MGP: variants seen among roughly 807,000 people sequenced by gnomAD.
MGP encodes cell growth-inhibiting gene 36 protein.
Under a neutral mutation model 14.5 loss-of-function variants are expected in MGP, and 13 were observed. That is an observed-to-expected ratio of 0.89 (90% confidence interval 0.58 to 1.42). MGP has a LOEUF of 1.42. MGP is among the 40% of genes most tolerant of loss of function. The pLI is 0.00. For synonymous variants in MGP, 44 were observed against 46.3 expected, an observed-to-expected ratio of 0.95 and a Z score of 0.20; for missense variants, 128 against 133.7, an observed-to-expected ratio of 0.96 and a Z score of 0.21.
At chr12:14,884,853 A>G (rs1445071001) in intron 1 of MGP, 4 of 1,535,204 alleles carry the variant, frequency 2.6e-6, no homozygotes, top group South Asian at 2.4e-5. Flanking sequence ...CTGAAACGAT[A>G]TCAAAGCCGA....
In MGP at chr12:14,882,222, T is replaced by A. The variant is rs748072167; in HGVS notation, c.229A>T (p.Arg77Ter). Residue 77 changes from arginine to a stop codon, truncating the protein, a stop_gained, in exon 4 of 4, where the codon AGA (arginine) becomes TGA (stop). Coordinates refer to ENST00000539261, the MANE Select transcript of MGP (RefSeq NM_000900.5). LOFTEE classifies it high-confidence loss of function. Reference sequence around the variant, plus strand: ...ACCATGGCGTAGCGTTCGCAAAGTCTGTAGTCATCACAGGCTTCCCTATTG... The same window carrying A: ...ACCATGGCGTAGCGTTCGCAAAGTCAGTAGTCATCACAGGCTTCCCTATTG... ...ELNREACDDY[R>*]LCERYAMVYG... 3.7e-6 allele frequency: 6 copies of A among 1,614,110 alleles called. No individual in the cohort carries two copies. The East Asian group carries it at 1.1e-4, about 30-fold the overall frequency.
At chr12:14,884,374 TGAA>T (rs1191313384) in intron 1 of MGP, 129 bp from the exon 2 acceptor site, 7 of 657,554 alleles carry the variant, frequency 1.1e-5, no homozygotes, top group Non-Finnish European at 1.5e-5. Flanking sequence ...TCTAAAAACA[TGAA>T]GAATATATTT....
intron 1 of MGP, chr12:14,884,903 A>G (rs1305804746): frequency 6.5e-7 from 1 of 1,529,084 alleles, no homozygotes; most frequent in South Asian, 1.2e-5. Flanking sequence ...CACAGCAGAT[A>G]AATTTTGGAA....
At chr12:14,884,698 G>T in intron 1 of MGP, 1 of 763,318 alleles carries the variant, frequency 1.3e-6, no homozygotes, top group Non-Finnish European at 2.0e-6. Flanking sequence ...GAACTACAGG[G>T]CAGTTGCTCT....
At chr12:14,883,170 A>T in intron 2 of MGP, 123 bp from the exon 3 acceptor site, 1 of 752,830 alleles carries the variant, frequency 1.3e-6, no homozygotes, top group Non-Finnish European at 2.3e-6. Context: ...ATAAACGGAG[A>T]TTGGCAAAAA....
intron 3 of MGP, 56 bp downstream of exon 3, chr12:14,882,916 G>T (rs1164823350): frequency 1.8e-6 from 2 of 1,139,836 alleles, no homozygotes; most frequent in Non-Finnish European, 2.6e-6. Context: ...CTCCAATTCA[G>T]ATCTGTGATC....
At chr12:14,884,973 G>T in intron 1 of MGP, 1 of 1,223,218 alleles carries the variant, frequency 8.2e-7, no homozygotes, top group South Asian at 1.4e-5. Flanking sequence ...TAAAAAGGAG[G>T]TGAAGAAATC....
chr12:14,885,095 A>G (rs1014065402), intron 1 of MGP, among the ~76,000 whole-genome samples: 1 of 152,240 alleles, frequency 6.6e-6, no homozygotes, highest in Non-Finnish European at 1.5e-5. Flanking sequence ...AATTGAAACA[A>G]AAGACTGAAA....
Position 14,881,262 on chromosome 12 carries a change from A to G in MGP, c.*877T>C, listed in dbSNP as rs1425228736. ...CAGGCTGGAGTGCATTGGTATGGTC[A>G]TGGCTACTGAGATTACAGGTGTGGC... On this transcript the variant is annotated 3_prime_UTR_variant, in exon 4 of 4. Coordinates refer to ENST00000539261, the MANE Select transcript of MGP (RefSeq NM_000900.5). The G allele has an allele frequency of 2.0e-5, 3 of 152,174 alleles. No homozygotes were observed. Among genetic ancestry groups the G allele is most frequent in the East Asian group, 3.8e-4 (2 of 5,198 alleles). The allele number at this position is 152,174 out of a possible 1,614,324, so 9.4% of individuals were successfully genotyped here. A position where few individuals can be genotyped will look rare whatever the true frequency, so the allele number is the denominator to read the frequency against.
At chr12:14,884,179 G>A (rs1280112519) in intron 2 of MGP, 34 bp downstream of exon 2, 2 of 1,425,506 alleles carry the variant, frequency 1.4e-6, no homozygotes, top group Non-Finnish European at 1.9e-6. Context: ...TTTAATGCAA[G>A]GGATTTGAAT....
In MGP at chr12:14,881,147, G is replaced by A. The variant is rs1412324546; in HGVS notation, c.*992C>T. The stretch of plus-strand genomic sequence containing the variant: ...GATGGAAAGAAGAATGAAGAAAACA[G>A]GAAATGAAAATTACATGGGTAAATA... On this transcript the variant is annotated 3_prime_UTR_variant, in exon 4 of 4. Coordinates refer to ENST00000539261, the MANE Select transcript of MGP (RefSeq NM_000900.5). The A allele has an allele frequency of 6.6e-6, 1 of 152,034 alleles. No individual in the cohort carries two copies. Among genetic ancestry groups the A allele is most frequent in the Non-Finnish European group, 1.5e-5 (1 of 68,014 alleles). 9.4% of individuals were successfully genotyped at this position (152,034 alleles called of 1,614,324 possible).
chr12:14,882,870 T>G, intron 3 of MGP, 102 bp downstream of exon 3: 2 of 780,836 alleles, frequency 2.6e-6, no homozygotes, highest in Non-Finnish European at 4.6e-6. Context: ...AAGATACAAT[T>G]AGAAATAATG....
In MGP at chr12:14,884,240, G is replaced by T. The variant is rs550400563; in HGVS notation, c.67C>A (p.His23Asn). The T allele has an allele frequency of 1.4e-6, 2 of 1,422,614 alleles. No homozygotes were observed. The highest frequency in any genetic ancestry group is 2.3e-5 in the East Asian group (1 of 42,636). 88.1% of individuals were successfully genotyped at this position (1,422,614 alleles called of 1,614,324 possible). ...AGTTCATAAGATTCCATGCTTTCAT[G>T]TGATTCTGAAATTAAAAAAAAAAGA... Reference protein sequence around the residue: ...LAVVTLCYESHESMESYELNP... With the variant: ...LAVVTLCYESNESMESYELNP... Residue 23 changes from histidine to asparagine, a missense_variant, in exon 2 of 4, where the codon CAT (histidine) becomes AAT (asparagine). His to Asn is a moderately conservative substitution (Grantham distance 68). Coordinates refer to ENST00000539261, the MANE Select transcript of MGP (RefSeq NM_000900.5).
At position 14,882,996 on chromosome 12, in the gene MGP, C is replaced by G; in HGVS notation, c.146G>C (p.Arg49Thr). ...CCTCTCTTGGACTTTAGCTCTCCATCTCTGCTGAGGGGATATGAAGGTATT... is the reference window on the plus strand; with the variant it reads ...CCTCTCTTGGACTTTAGCTCTCCATGTCTGCTGAGGGGATATGAAGGTATT... ...NANTFISPQQRWRAKVQERIR... is the reference protein window; with the variant it reads ...NANTFISPQQTWRAKVQERIR... The change falls in exon 3 of 4, where the codon AGA becomes ACA. Residue 49 changes from arginine to threonine, a missense_variant. Arg to Thr is a moderately conservative substitution (Grantham distance 71). Coordinates refer to ENST00000539261, the MANE Select transcript of MGP (RefSeq NM_000900.5). The G allele has an allele frequency of 2.5e-6, 4 of 1,612,854 alleles. No homozygotes were observed. Among genetic ancestry groups the G allele is most frequent in the African/African-American group, 1.3e-5 (1 of 75,010 alleles).
In MGP at chr12:14,882,347, A is replaced by T. The variant is rs573179973; in HGVS notation, c.171-67T>A. On this transcript the variant is annotated intron_variant, in intron 3 of 3. Coordinates refer to ENST00000539261, the MANE Select transcript of MGP (RefSeq NM_000900.5). ...TGGAAAAATACAAAAATGGAAAAGA[A>T]GAAGAAAATATTGGAGAGACTTTCT... 5.7e-3 allele frequency: 8,899 copies of T among 1,564,200 alleles called. 191 individuals are homozygous for T. The highest frequency in any genetic ancestry group is 0.039 in the South Asian group (3,521 of 90,024).
Position 14,880,972 on chromosome 12 carries a change from A to G in MGP, c.*1167T>C, listed in dbSNP as rs943825481. On this transcript the variant is annotated 3_prime_UTR_variant, in exon 4 of 4. Coordinates refer to ENST00000539261, the MANE Select transcript of MGP (RefSeq NM_000900.5). Reference sequence around the variant, plus strand: ...AGAATTCAGTGGAATACCTTAAAATAATTAAAAGAAACGTGGCAACTTGGG... The same window carrying G: ...AGAATTCAGTGGAATACCTTAAAATGATTAAAAGAAACGTGGCAACTTGGG... Among the ~76,000 whole-genome samples the G allele has an allele frequency of 5.9e-5, 9 of 152,190 alleles. No individual in the cohort carries two copies. The highest frequency in any genetic ancestry group is 2.2e-4 in the African/African-American group (9 of 41,452).
chr12:14,882,519 CA>C (rs1187410158), intron 3 of MGP, among the ~76,000 whole-genome samples: 2 of 151,744 alleles, frequency 1.3e-5, no homozygotes, highest in African/African-American at 2.4e-5. Context: ...GCCAACATGA[CA>C]AAACCCCGTC....
At chr12:14,884,065 G>T in intron 2 of MGP, 148 bp downstream of exon 2, 1 of 623,712 alleles carries the variant, frequency 1.6e-6, no homozygotes. Context: ...AATTTTTATA[G>T]TCATTAGATT....
chr12:14,882,246 T>G lies in MGP; in HGVS notation c.205A>C (p.Asn69His), dbSNP rs539042522. Residue 69 changes from asparagine (N) to histidine (H), a missense_variant, in exon 4 of 4, where the codon AAT becomes CAT. Physicochemically the swap from Asn to His is moderately conservative, Grantham distance 68. Coordinates refer to ENST00000539261, the MANE Select transcript of MGP (RefSeq NM_000900.5). ...CTGTAGTCATCACAGGCTTCCCTAT[T>G]GAGCTCGTGGACAGGCTTAGAGCGT... is the stretch of plus-strand genomic sequence containing the variant. ...RERSKPVHEL[N>H]REACDDYRLC... 1.2e-6 allele frequency: 2 copies of G among 1,614,094 alleles called. No homozygotes were observed. The highest frequency in any genetic ancestry group is 2.7e-5 in the African/African-American group (2 of 75,006).
Sources: gnomAD v4.1 joint callset for allele counts (sites outside exome capture counted in the v4.1 genomes callset) on GRCh38, gnomAD v4.1.1 for gene constraint, MANE v1.5 for transcripts, NCBI Gene and HGNC (gene_info 2026-07-23, HGNC 2026-07-21) for gene names.